PTCHD4: variants seen among roughly 807,000 people sequenced by gnomAD.
The protein encoded by PTCHD4 is patched domain-containing protein 4.
PTCHD4 carries 33 observed loss-of-function variants against 58.1 expected under a neutral mutation model. The observed-to-expected ratio is 0.57, with a 90% CI of 0.43 to 0.76. The LOEUF is 0.76. Ranked by LOEUF, PTCHD4 falls within the 30% of genes least tolerant of loss-of-function variation. The probability of loss-of-function intolerance (pLI) is 0.00; values close to 1 mark genes in which losing one functional copy is unlikely to be tolerated. For synonymous variants in PTCHD4, 478 were observed against 409.6 expected (o/e 1.17, Z -2.02); for missense variants, 1,058 against 1,027.1 (o/e 1.03, Z -0.41).
intron 4 of PTCHD4, among the ~76,000 whole-genome samples, chr6:47,984,971 A>AT (rs1768007171): frequency 1.3e-5 from 2 of 152,116 alleles, no homozygotes; most frequent in South Asian, 4.1e-4. Context: ...AATGAGTATA[A>AT]AGTTAGCTCA....
At chr6:48,018,872 C>T (rs1014014030) in intron 3 of PTCHD4, among the ~76,000 whole-genome samples, 1 of 152,176 alleles carries the variant, frequency 6.6e-6, no homozygotes, top group African/African-American at 2.4e-5. Flanking sequence ...TTGAGGAAAG[C>T]AGCAAATCCC....
rs1250673195 is a variant in PTCHD4, at chr6:48,096,358, TC to T, written c.-970+14690del. ...ATGGCGTGGTGGCTCACAACTGTAA[TC>T]CCAGCATTTTAGGAGGCCGAGGTTG... On this transcript the variant is annotated intron_variant, in intron 1 of 4. Coordinates refer to ENST00000339488, the MANE Select transcript of PTCHD4 (RefSeq NM_001384253.1). Among the ~76,000 whole-genome samples, 7 of 152,138 alleles carry T rather than the reference TC, an allele frequency of 4.6e-5. No individual in the cohort carries two copies. The East Asian group carries it at 1.3e-3, about 29-fold the overall frequency.
rs540397975 is a variant in PTCHD4 at position 48,000,273 on chromosome 6, A to G, written c.898+8361T>C. ...ATTATTTGTTATTACAGCATAGTCT[A>G]GTCTAGCTGACCCTGACCCGCACAA... On this transcript the variant is annotated intron_variant, in intron 4 of 4. Transcript: ENST00000339488. Among the ~76,000 whole-genome samples the G allele has an allele frequency of 2.0e-5, 3 of 152,290 alleles. No individual in the cohort carries two copies. In the South Asian group the frequency reaches 6.2e-4, roughly 32 times the overall value.
At chr6:48,061,413 C>T (rs1218732519) in intron 3 of PTCHD4, among the ~76,000 whole-genome samples, 2 of 152,156 alleles carry the variant, frequency 1.3e-5, no homozygotes, top group African/African-American at 4.8e-5. Context: ...AAACGATATG[C>T]TGAGAGTCTC....
chr6:48,016,762 A>C (rs999842846), intron 3 of PTCHD4, among the ~76,000 whole-genome samples: 1 of 150,688 alleles, frequency 6.6e-6, no homozygotes, highest in Non-Finnish European at 1.5e-5. Flanking sequence ...CTCAGAGAGA[A>C]GATTAAAAAA....
At position 47,878,945 on chromosome 6, in the gene PTCHD4, G is replaced by A. The variant is rs774854448; in HGVS notation, c.1890C>T (p.Ser630=). 2 of 1,613,070 alleles carry A rather than the reference G, an allele frequency of 1.2e-6. No homozygotes were observed. Among genetic ancestry groups the A allele is most frequent in the Non-Finnish European group, 8.5e-7 (1 of 1,179,746 alleles). The change falls in exon 5 of 5, where the codon TCC becomes TCT. Residue 630 remains serine (S), a synonymous_variant. Transcript: ENST00000339488. ...CGATGAATCGGATGCTCTTTGAGAGGGATAGGGGCCTCAGCTTTTCCAACA... is the reference window on the plus strand; with the variant it reads ...CGATGAATCGGATGCTCTTTGAGAGAGATAGGGGCCTCAGCTTTTCCAACA... The part of the protein sequence containing the change: ...TEVLEKLRPL[S]LSKSIRFIVF...
chr6:47,888,520 A>G (rs554969163), intron 4 of PTCHD4, among the ~76,000 whole-genome samples: 12 of 152,296 alleles, frequency 7.9e-5, no homozygotes, highest in Non-Finnish European at 1.5e-5. Flanking sequence ...CTCATTGTAT[A>G]ATTTTCAGAG....
intron 3 of PTCHD4, among the ~76,000 whole-genome samples, chr6:48,023,909 G>T (rs1164823753): frequency 6.6e-6 from 1 of 152,252 alleles, no homozygotes; most frequent in East Asian, 1.9e-4. Context: ...TAGCAATGAT[G>T]GCAAAACCAC....
intron 4 of PTCHD4, among the ~76,000 whole-genome samples, chr6:48,008,032 T>A (rs894218185): frequency 2.6e-5 from 4 of 152,066 alleles, no homozygotes; most frequent in African/African-American, 9.7e-5. Context: ...GATGAGATAA[T>A]CTTGACTAAG....
In PTCHD4 at chr6:47,878,046, A is replaced by T. The variant is rs948234344; in HGVS notation, c.*257T>A. ...ATCTTAACACTCCATTGATTCATCC[A>T]TTCCTTGGAAGAGCTCTCAGATTAC... is the stretch of plus-strand genomic sequence containing the variant. On this transcript the variant is annotated 3_prime_UTR_variant, in exon 5 of 5. Transcript: ENST00000339488. The T allele has an allele frequency of 8.7e-6, 3 of 343,690 alleles. No individual in the cohort carries two copies. The Admixed American group carries it at 1.3e-4, about 15-fold the overall frequency. 21.3% of individuals were successfully genotyped at this position (343,690 alleles called of 1,614,324 possible).
chr6:48,005,842 T>C (rs1237676595), intron 4 of PTCHD4, among the ~76,000 whole-genome samples: 1 of 152,232 alleles, frequency 6.6e-6, no homozygotes, highest in East Asian at 1.9e-4. Context: ...AAATCCTTTA[T>C]TTTATATATG....
At chr6:47,979,464 A>G (rs1301308744) in intron 4 of PTCHD4, among the ~76,000 whole-genome samples, 1 of 152,104 alleles carries the variant, frequency 6.6e-6, no homozygotes. Context: ...TGAATAGATG[A>G]ATAGCTATGT....
In PTCHD4 at chr6:48,069,166, G is replaced by A. The variant is rs1160473248; in HGVS notation, c.-209C>T. ...GGGGGGGGGGGCTGAGGGGGGGAGA[G>A]GAGGGAGAAGGGCGGGAGCACGTTG... On this transcript the variant is annotated 5_prime_UTR_variant, in exon 2 of 5. Coordinates refer to ENST00000339488, the MANE Select transcript of PTCHD4 (RefSeq NM_001384253.1). Among the ~76,000 whole-genome samples the A allele has an allele frequency of 1.5e-5, 2 of 129,504 alleles. No individual in the cohort carries two copies. The highest frequency in any genetic ancestry group is 2.9e-5 in the African/African-American group (1 of 34,964). 85.0% of individuals were successfully genotyped at this position (129,504 alleles called of 152,430 possible).
At chr6:48,074,101 G>A (rs907706398) in intron 1 of PTCHD4, among the ~76,000 whole-genome samples, 1 of 151,962 alleles carries the variant, frequency 6.6e-6, no homozygotes, top group Non-Finnish European at 1.5e-5. Flanking sequence ...CGGGTTTAAG[G>A]AGTTTGCCAG....
chr6:48,055,681 C>T lies in PTCHD4; in HGVS notation c.417+12549G>A, dbSNP rs142359827. 2.1e-3 allele frequency among the ~76,000 whole-genome samples: 318 copies of T among 152,320 alleles called. 1 individual carries two copies. Among genetic ancestry groups the T allele is most frequent in the African/African-American group, 6.5e-3 (270 of 41,568 alleles). The stretch of plus-strand genomic sequence containing the variant: ...GCTTTATGTGCTACTCCCTCAGAGA[C>T]GTATGCTCTATCTATAAAAGGGGGT... On this transcript the variant is annotated intron_variant, in intron 3 of 4. Coordinates refer to ENST00000339488, the MANE Select transcript of PTCHD4 (RefSeq NM_001384253.1).
rs376701728 is a variant in PTCHD4 at position 47,880,841 on chromosome 6, T to C, written c.899-905A>G. On this transcript the variant is annotated intron_variant, in intron 4 of 4. Coordinates refer to ENST00000339488, the MANE Select transcript of PTCHD4 (RefSeq NM_001384253.1). ...AGGAATTTCATAGCTCTTAAGATAC[T>C]ACCACTTTTTTACTAGCAAAAGGAG... Among the ~76,000 whole-genome samples, 7 of 152,288 alleles carry C rather than the reference T, an allele frequency of 4.6e-5. No homozygotes were observed. In the South Asian group the frequency reaches 8.3e-4, roughly 18 times the overall value.
rs1417676571 is a variant in PTCHD4, at chr6:47,878,717, G to A, written c.2118C>T (p.Asp706=). ...GGCACAAGATAGAAATGCAATCCATGTCGACGTTCCATAATGTCATTAAGC... is the reference window on the plus strand; with the variant it reads ...GGCACAAGATAGAAATGCAATCCATATCGACGTTCCATAATGTCATTAAGC... ...VLGLMTLWNV[D]MDCISILCLI... The change falls in exon 5 of 5, where the codon GAC becomes GAT. Residue 706 remains aspartate, a synonymous_variant. Coordinates refer to ENST00000339488, the MANE Select transcript of PTCHD4 (RefSeq NM_001384253.1). 1 of 1,613,444 alleles carries A rather than the reference G, an allele frequency of 6.2e-7. No homozygotes were observed. The highest frequency in any genetic ancestry group is 1.3e-5 in the African/African-American group (1 of 74,868).
rs74669815 is a variant in PTCHD4 at position 48,015,093 on chromosome 6, T to C, written c.418-5979A>G. On this transcript the variant is annotated intron_variant, in intron 3 of 4. Transcript: ENST00000339488. ...AAAAGTTCTGAAATTCCTTTAAGTG[T>C]AAATCACCTTTATGTCCCAATAAAG... Among the ~76,000 whole-genome samples, 1,403 of 150,704 alleles carry C rather than the reference T, an allele frequency of 9.3e-3. 12 individuals are homozygous for C. Among genetic ancestry groups the C allele is most frequent in the South Asian group, 0.026 (127 of 4,830 alleles).
intron 3 of PTCHD4, among the ~76,000 whole-genome samples, chr6:48,047,879 T>C (rs1003579209): frequency 6.6e-6 from 1 of 151,878 alleles, no homozygotes; most frequent in Non-Finnish European, 1.5e-5. Context: ...GTTGTTTAAG[T>C]CATTCTGTCT....
Sources: allele counts gnomAD v4.1 joint callset (sites outside exome capture counted in the v4.1 genomes callset), GRCh38; gene constraint gnomAD v4.1.1; transcripts MANE v1.5; gene names NCBI Gene and HGNC (gene_info 2026-07-23, HGNC 2026-07-21).